Variants in FAM13C observed in about 807,000 individuals in gnomAD.
The protein encoded by FAM13C is family with sequence similarity 13 member C.
FAM13C carries 37 observed loss-of-function variants against 73.2 expected under a neutral mutation model. The ratio of observed to expected loss-of-function variants is 0.51; its 90% CI spans 0.39 to 0.67. The LOEUF (loss-of-function observed/expected upper bound fraction) is 0.67. Among genes scored for constraint, FAM13C ranks in the 30% least tolerant of loss-of-function variants. The pLI is 0.00. For missense variants in FAM13C, 589 were observed against 715.6 expected, an observed-to-expected ratio of 0.82 and a Z score of 2.02; for synonymous variants, 246 against 260.9, an observed-to-expected ratio of 0.94 and a Z score of 0.55.
chr10:59,355,849 T>C (rs746382698), intron 2 of FAM13C, 38 bp downstream of exon 2: 1 of 1,600,528 alleles, frequency 6.2e-7, no homozygotes, highest in Middle Eastern at 1.7e-4. Context: ...ATGGCTTCTG[T>C]CTCTCACAAA....
At chr10:59,310,960 A>G (rs1848845905) in intron 4 of FAM13C, among the ~76,000 whole-genome samples, 3 of 152,212 alleles carry the variant, frequency 2.0e-5, no homozygotes, top group African/African-American at 2.4e-5. Flanking sequence ...GTCCAAGTGC[A>G]ACAGCCTGGG....
At chr10:59,260,637 T>A (rs558338395) in intron 10 of FAM13C, among the ~76,000 whole-genome samples, 1 of 152,318 alleles carries the variant, frequency 6.6e-6, no homozygotes, top group East Asian at 1.9e-4. Context: ...TCAACATTTT[T>A]AATGATTTCT....
At chr10:59,309,820 G>A (rs2133921465) in intron 4 of FAM13C, among the ~76,000 whole-genome samples, 1 of 152,284 alleles carries the variant, frequency 6.6e-6, no homozygotes, top group Non-Finnish European at 1.5e-5. Flanking sequence ...GGCCAAGTCT[G>A]GCATATGACA....
At chr10:59,292,506 A>G (rs1014195260) in intron 5 of FAM13C, among the ~76,000 whole-genome samples, 1 of 152,238 alleles carries the variant, frequency 6.6e-6, no homozygotes, top group African/African-American at 2.4e-5. Context: ...CTCATAGGCC[A>G]TCTACTTTTT....
At chr10:59,248,289 C>A (rs79045928) in intron 13 of FAM13C, among the ~76,000 whole-genome samples, 1 of 152,078 alleles carries the variant, frequency 6.6e-6, no homozygotes, top group Non-Finnish European at 1.5e-5. Flanking sequence ...TATAGTAGAA[C>A]CACTGAGCTG....
intron 3 of FAM13C, among the ~76,000 whole-genome samples, chr10:59,342,007 C>T (rs1853581678): frequency 6.6e-6 from 1 of 152,162 alleles, no homozygotes; most frequent in Non-Finnish European, 1.5e-5. Flanking sequence ...ATACTCAAAA[C>T]ATGGCACCAT....
chr10:59,277,513 T>C (rs1305787446), intron 6 of FAM13C, among the ~76,000 whole-genome samples: 1 of 152,150 alleles, frequency 6.6e-6, no homozygotes, highest in East Asian at 1.9e-4. Flanking sequence ...AATTGTAGTA[T>C]TTGACTCCAT....
rs771055599 is a variant in FAM13C, at chr10:59,302,905, C to T, written c.444-41G>A. On this transcript the variant is annotated intron_variant, in intron 4 of 13. Transcript: ENST00000618804. ...AAAAATTATTTCCATTTAAAAGAAA[C>T]GTTTCAGTGATGTACATGTGAAGCT... The T allele has an allele frequency of 2.3e-5, 36 of 1,581,768 alleles. No homozygotes were observed. The East Asian group carries it at 5.4e-4, about 24-fold the overall frequency.
Position 59,252,799 on chromosome 10 carries a change from A to G in FAM13C, c.1532T>C (p.Met511Thr). The G allele has an allele frequency of 6.2e-7, 1 of 1,613,604 alleles. No homozygotes were observed. Among genetic ancestry groups the G allele is most frequent in the Non-Finnish European group, 8.5e-7 (1 of 1,179,826 alleles). Residue 511 changes from methionine to threonine, a missense_variant and splice_region_variant, in exon 12 of 14, where the codon ATG becomes ACG. Met to Thr is a moderately conservative substitution (Grantham distance 81, BLOSUM62 -1). Coordinates refer to ENST00000618804, the MANE Select transcript of FAM13C (RefSeq NM_198215.4). The stretch of plus-strand genomic sequence containing the variant: ...CTCCACACTTAGGATTCATACTCAC[A>G]TGGTAGCCTCATGTAAATTAGACAT... The part of the protein sequence containing the change: ...LSMSNLHEAT[M>T]PVLLDHLRET...
chr10:59,354,864 C>T (rs1041792663), intron 2 of FAM13C, among the ~76,000 whole-genome samples: 1 of 151,998 alleles, frequency 6.6e-6, no homozygotes. Context: ...ACCAGGTTCC[C>T]AGGGTTCCTA....
chr10:59,321,431 CCTTTTTTTTTTTTTT>C lies in FAM13C; in HGVS notation c.443+2542_443+2556del, dbSNP rs1381489834. Among the ~76,000 whole-genome samples the C allele has an allele frequency of 5.5e-5, 6 of 109,856 alleles. No individual in the cohort carries two copies. In the South Asian group the frequency reaches 1.2e-3, roughly 22 times the overall value. 72.1% of individuals were successfully genotyped at this position (109,856 alleles called of 152,430 possible). ...AGAAAGGAATGGAGCCCTGCCAACA[CCTTTTTTTTTTTTTT>C]TTTTTTTTTTTTTGGCCCAGGGAGA... On this transcript the variant is annotated intron_variant, in intron 4 of 13. Transcript: ENST00000618804.
chr10:59,333,247 G>A (rs1051916752), intron 3 of FAM13C, among the ~76,000 whole-genome samples: 2 of 152,148 alleles, frequency 1.3e-5, no homozygotes, highest in South Asian at 4.1e-4. Context: ...TGCACTTTGA[G>A]AGGCCGAGGC....
intron 9 of FAM13C, 46 bp from the exon 10 acceptor site, chr10:59,262,691 G>C (rs774534265): frequency 6.6e-7 from 1 of 1,509,704 alleles, no homozygotes; most frequent in African/African-American, 1.4e-5. Flanking sequence ...GAACCCACTA[G>C]TTCTAAGAAT....
rs6143934 is a variant in FAM13C at position 59,284,031 on chromosome 10, ATGTG to A, written c.508-588_508-585del. 9.2e-3 allele frequency among the ~76,000 whole-genome samples: 1,371 copies of A among 149,092 alleles called. 26 individuals are homozygous for A. Among genetic ancestry groups the A allele is most frequent in the African/African-American group, 0.032 (1,306 of 40,666 alleles). On this transcript the variant is annotated intron_variant, in intron 5 of 13. Transcript: ENST00000618804. ...CTAGTCCACATTGGTATGCTGGGGT[ATGTG>A]TGTGTGTGTGTGTGTGTGTCTTCTA...
chr10:59,306,499 T>C (rs976268267), intron 4 of FAM13C, among the ~76,000 whole-genome samples: 2 of 152,126 alleles, frequency 1.3e-5, no homozygotes, highest in Non-Finnish European at 2.9e-5. Context: ...TAGTGAAACT[T>C]AAATGATGAT....
At chr10:59,268,876 G>A (rs951678371) in intron 7 of FAM13C, among the ~76,000 whole-genome samples, 185 bp from the exon 8 acceptor site, 2 of 152,144 alleles carry the variant, frequency 1.3e-5, no homozygotes, top group Non-Finnish European at 2.9e-5. Flanking sequence ...ACTCTGTTAT[G>A]GGTGGATGTT....
chr10:59,333,566 C>T (rs1291959456), intron 3 of FAM13C, among the ~76,000 whole-genome samples: 2 of 152,132 alleles, frequency 1.3e-5, no homozygotes, highest in African/African-American at 4.8e-5. Context: ...GAAAAGCCCA[C>T]CTTTTATTCC....
At chr10:59,297,564 C>T (rs1847064799) in intron 5 of FAM13C, among the ~76,000 whole-genome samples, 1 of 152,124 alleles carries the variant, frequency 6.6e-6, no homozygotes, top group Admixed American at 6.5e-5. Flanking sequence ...TGGCCCCTGA[C>T]ATTCAGTTAC....
intron 6 of FAM13C, chr10:59,282,897 AC>A (rs1196292684): frequency 6.3e-6 from 1 of 159,028 alleles, no homozygotes; most frequent in African/African-American, 2.4e-5. Flanking sequence ...TGGACCACTC[AC>A]CCCCACTTTC....
Sources: gnomAD v4.1 joint callset for allele counts (sites outside exome capture counted in the v4.1 genomes callset) on GRCh38, gnomAD v4.1.1 for gene constraint, MANE v1.5 for transcripts, NCBI Gene and HGNC (gene_info 2026-07-23, HGNC 2026-07-21) for gene names.